The following PARD3B variants were observed in gnomAD, a reference collection of about 807,000 sequenced individuals.
The protein encoded by PARD3B is partitioning defective 3 homolog B.
In PARD3B, 103 loss-of-function variants were observed where a neutral mutation model predicts 130.2. The observed-to-expected ratio is 0.79, with a 90% confidence interval of 0.67 to 0.93. The LOEUF (loss-of-function observed/expected upper bound fraction) is 0.93, where lower values mean the gene tolerates loss of function less well. Among genes scored for constraint, PARD3B ranks in the 40% least tolerant of loss-of-function variants. The probability of loss-of-function intolerance (pLI) is 0.00; values close to 1 mark genes in which losing one functional copy is unlikely to be tolerated. For missense variants in PARD3B, 1,609 were observed against 1,499.2 expected, an observed-to-expected ratio of 1.07 and a Z score of -1.21; for synonymous variants, 583 against 553.2, an observed-to-expected ratio of 1.05 and a Z score of -0.76.
rs76551239 is a variant in PARD3B at position 204,672,785 on chromosome 2, C to A, written c.121-13396C>A. Among the ~76,000 whole-genome samples, 526 of 152,284 alleles carry A rather than the reference C, an allele frequency of 3.5e-3. 3 individuals are homozygous for A. The highest frequency in any genetic ancestry group is 0.012 in the African/African-American group (497 of 41,558). ...ATTCTTTCCCAAGCCCAGAGGGTCT[C>A]TTTGCCCTCCTAACTGCTCATTAGC... On this transcript the variant is annotated intron_variant, in intron 1 of 22. Coordinates refer to ENST00000406610, the MANE Select transcript of PARD3B (RefSeq NM_001302769.2).
chr2:204,702,333 G>A (rs1353731118), intron 2 of PARD3B, among the ~76,000 whole-genome samples: 1 of 152,110 alleles, frequency 6.6e-6, no homozygotes, highest in African/African-American at 2.4e-5. Context: ...GCTTTCCAAG[G>A]TGGCTGAACT....
chr2:204,734,844 T>A (rs1212336192), intron 2 of PARD3B, among the ~76,000 whole-genome samples: 1 of 152,036 alleles, frequency 6.6e-6, no homozygotes, highest in East Asian at 1.9e-4. Flanking sequence ...TATGCATCTA[T>A]CAAAACTCAA....
intron 2 of PARD3B, among the ~76,000 whole-genome samples, chr2:204,872,253 G>A (rs1422184388): frequency 6.6e-6 from 1 of 151,880 alleles, no homozygotes; most frequent in African/African-American, 2.4e-5. Flanking sequence ...ACATTTTATA[G>A]ATAGATACAT....
intron 10 of PARD3B, among the ~76,000 whole-genome samples, chr2:205,127,850 A>G (rs773296194): frequency 3.3e-5 from 5 of 152,176 alleles, no homozygotes; most frequent in Admixed American, 3.3e-4. Context: ...ATCTCCTCAC[A>G]CTTTCTAGAG....
intron 3 of PARD3B, among the ~76,000 whole-genome samples, chr2:205,004,403 G>A (rs1010533554): frequency 6.6e-6 from 1 of 152,104 alleles, no homozygotes; most frequent in Non-Finnish European, 1.5e-5. Context: ...ATAAGGTTTT[G>A]TTATAAAAAT....
intron 3 of PARD3B, among the ~76,000 whole-genome samples, chr2:204,988,459 G>A (rs1693368974): frequency 6.6e-6 from 1 of 152,098 alleles, no homozygotes; most frequent in South Asian, 2.1e-4. Context: ...CAATAATAAT[G>A]TAATTGTACA....
At chr2:204,713,944 C>G (rs569571386) in intron 2 of PARD3B, among the ~76,000 whole-genome samples, 1 of 152,170 alleles carries the variant, frequency 6.6e-6, no homozygotes, top group East Asian at 1.9e-4. Context: ...CTCTGAACTG[C>G]TGGTTTATTA....
rs1463804593 is a variant in PARD3B, at chr2:205,011,786, GT to G, written c.395-35791del. Among the ~76,000 whole-genome samples, 2 of 151,452 alleles carry G rather than the reference GT, an allele frequency of 1.3e-5. No individual in the cohort carries two copies. Among genetic ancestry groups the G allele is most frequent in the Non-Finnish European group, 2.9e-5 (2 of 67,910 alleles). ...CCATTCAGTATTTGACTCTTCCTTA[GT>G]TTTCTGGGTTTTTTTTTTTTACAAC... On this transcript the variant is annotated intron_variant, in intron 3 of 22. Transcript: ENST00000406610. The surrounding 1 kb of genome is among the most constrained non-coding windows in gnomAD (Gnocchi z 4.1).
chr2:204,790,091 C>T (rs922395923), intron 2 of PARD3B, among the ~76,000 whole-genome samples: 1 of 152,090 alleles, frequency 6.6e-6, no homozygotes, highest in Non-Finnish European at 1.5e-5. Flanking sequence ...AGGATGGTCT[C>T]GATCTCCTGA....
intron 1 of PARD3B, among the ~76,000 whole-genome samples, chr2:204,582,792 G>A (rs2032629225): frequency 6.6e-6 from 1 of 151,630 alleles, no homozygotes; most frequent in African/African-American, 2.4e-5. Context: ...TTCATTAAAA[G>A]CAACAGAGTG....
chr2:204,847,481 T>G (rs1168346669), intron 2 of PARD3B, among the ~76,000 whole-genome samples: 1 of 152,172 alleles, frequency 6.6e-6, no homozygotes, highest in African/African-American at 2.4e-5. Context: ...GTGGTTTCAG[T>G]TATCTGTGGC....
At chr2:205,175,177 T>C (rs1308340387) in intron 12 of PARD3B, among the ~76,000 whole-genome samples, 1 of 152,302 alleles carries the variant, frequency 6.6e-6, no homozygotes, top group Non-Finnish European at 1.5e-5. Flanking sequence ...GATTGTGTCA[T>C]TTATCAAAGA....
chr2:205,528,423 A>G (rs1388810995), intron 21 of PARD3B, among the ~76,000 whole-genome samples: 2 of 152,190 alleles, frequency 1.3e-5, no homozygotes, highest in Non-Finnish European at 2.9e-5. Flanking sequence ...CCAAAGGGAA[A>G]GCACATATAA....
intron 2 of PARD3B, among the ~76,000 whole-genome samples, chr2:204,835,652 A>G (rs1340417946): frequency 2.0e-5 from 3 of 152,204 alleles, no homozygotes; most frequent in Non-Finnish European, 4.4e-5. Context: ...CCAACTTAAA[A>G]TGGTTTGACT....
chr2:204,706,520 G>A (rs2038168262), intron 2 of PARD3B, among the ~76,000 whole-genome samples: 2 of 152,108 alleles, frequency 1.3e-5, no homozygotes, highest in African/African-American at 4.8e-5. Flanking sequence ...GTGGTGACCA[G>A]CCTAGGTAGG....
chr2:204,953,963 A>T (rs1160695010), intron 2 of PARD3B, among the ~76,000 whole-genome samples: 1 of 152,306 alleles, frequency 6.6e-6, no homozygotes, highest in East Asian at 1.9e-4. Flanking sequence ...TTCCCAGAAA[A>T]GAGGTGCCAC....
chr2:205,251,732 A>G (rs1475126916), intron 16 of PARD3B, among the ~76,000 whole-genome samples: 2 of 152,112 alleles, frequency 1.3e-5, no homozygotes, highest in East Asian at 1.9e-4. Flanking sequence ...ATGAATTTTT[A>G]TGGTTATTAT....
At chr2:204,599,527 T>G (rs182870107) in intron 1 of PARD3B, among the ~76,000 whole-genome samples, 304 of 152,176 alleles carry the variant, frequency 2.0e-3, no homozygotes, top group African/African-American at 7.1e-3. Context: ...TTTTATCCTT[T>G]TTTATGGCTT....
chr2:204,807,553 T>G (rs953011371), intron 2 of PARD3B, among the ~76,000 whole-genome samples: 2 of 152,138 alleles, frequency 1.3e-5, no homozygotes. Flanking sequence ...CTCATGTTTA[T>G]TGCAGCAGTA....
Sources: allele counts gnomAD v4.1 joint callset (sites outside exome capture counted in the v4.1 genomes callset), GRCh38; gene constraint gnomAD v4.1.1; non-coding constraint Gnocchi (gnomAD v3.1); transcripts MANE v1.5; gene names NCBI Gene and HGNC (gene_info 2026-07-23, HGNC 2026-07-21).